Variants in TBXAS1 observed in about 807,000 individuals in gnomAD.
TBXAS1 encodes the protein thromboxane-A synthase.
In TBXAS1, 48 loss-of-function variants were observed where a neutral mutation model predicts 60.7. That is an observed-to-expected ratio of 0.79 (90% confidence interval 0.63 to 1.01). The LOEUF is 1.01. TBXAS1 is among the 50% of genes least tolerant of loss of function. TBXAS1 has a pLI of 0.00. For missense variants in TBXAS1, 685 were observed against 686.3 expected (o/e 1.00, Z 0.02); for synonymous variants, 287 against 269.7 (o/e 1.06, Z -0.63).
chr7:139,872,135 C>A, intron 1 of TBXAS1, 100 bp from the exon 2 acceptor site: 1 of 1,242,264 alleles, frequency 8.0e-7, no homozygotes, highest in Non-Finnish European at 1.2e-6. Flanking sequence ...TATTCTTTTG[C>A]CTTTACTTCC....
At chr7:139,891,179 G>T (rs1391851780) in intron 3 of TBXAS1, among the ~76,000 whole-genome samples, 2 of 151,742 alleles carry the variant, frequency 1.3e-5, no homozygotes, top group Non-Finnish European at 1.5e-5. Flanking sequence ...CCTTTTATGG[G>T]ACCTCTACGG....
chr7:139,869,709 A>C (rs1488676194), intron 1 of TBXAS1, among the ~76,000 whole-genome samples: 1 of 152,138 alleles, frequency 6.6e-6, no homozygotes, highest in African/African-American at 2.4e-5. Context: ...CATCTTAACT[A>C]ATTACATTTG....
At chr7:139,847,709 C>A (rs1303829644) in intron 1 of TBXAS1, among the ~76,000 whole-genome samples, 1 of 152,192 alleles carries the variant, frequency 6.6e-6, no homozygotes, top group African/African-American at 2.4e-5. Flanking sequence ...GTCTCTGTTC[C>A]ATTCTCTACT....
At chr7:139,842,353 C>G (rs915677579) in intron 1 of TBXAS1, among the ~76,000 whole-genome samples, 1 of 152,104 alleles carries the variant, frequency 6.6e-6, no homozygotes, top group Non-Finnish European at 1.5e-5. Flanking sequence ...GATGCCTTCC[C>G]GGGAAGGAAG....
chr7:140,008,611 C>A (rs1814281650), intron 10 of TBXAS1, among the ~76,000 whole-genome samples: 1 of 152,038 alleles, frequency 6.6e-6, no homozygotes, highest in African/African-American at 2.4e-5. Context: ...CTATGCCCGG[C>A]TAATTTTTTG....
chr7:139,999,239 G>A lies in TBXAS1; in HGVS notation c.1135-7852G>A, dbSNP rs117465009. Among the ~76,000 whole-genome samples the A allele has an allele frequency of 7.2e-3, 1,091 of 152,302 alleles. 11 individuals are homozygous for A. Among genetic ancestry groups the A allele is most frequent in the Non-Finnish European group, 0.012 (822 of 68,030 alleles). ...TCCCAACCTTGCCATAAGAACTCAG[G>A]GCTGGCCGGGCGCCATGGCTTACGC... is the stretch of plus-strand genomic sequence containing the variant. On this transcript the variant is annotated intron_variant, in intron 9 of 12. Transcript: ENST00000448866. This position sits in a 1 kb window ranked among gnomAD's most constrained non-coding sequence, Gnocchi z 4.3.
intron 4 of TBXAS1, among the ~76,000 whole-genome samples, chr7:139,799,292 C>T (rs967277652): frequency 7.3e-5 from 11 of 151,054 alleles, no homozygotes; most frequent in African/African-American, 2.7e-4. Context: ...TGTAGTGGCA[C>T]AATCTCGGCT....
intron 4 of TBXAS1, 139 bp downstream of exon 4, chr7:139,911,460 G>T: frequency 1.3e-6 from 1 of 785,122 alleles, no homozygotes. Flanking sequence ...GCTCCTCAGT[G>T]AACTCGGTTT....
chr7:139,982,699 AATTGAATTCATGG>A (rs1260219270), intron 9 of TBXAS1, among the ~76,000 whole-genome samples: 5 of 152,304 alleles, frequency 3.3e-5, no homozygotes, highest in South Asian at 2.1e-4. Context: ...TAACCCCCTA[AATTGAATTCATGG>A]ATTGAATTCA....
At chr7:139,961,412 C>T (rs924539913) in intron 8 of TBXAS1, among the ~76,000 whole-genome samples, 1 of 152,200 alleles carries the variant, frequency 6.6e-6, no homozygotes, top group African/African-American at 2.4e-5. Flanking sequence ...CACCAACCAA[C>T]AGTACAAAAA....
At chr7:139,893,331 C>CACACACAT in intron 3 of TBXAS1, among the ~76,000 whole-genome samples, 1 of 146,732 alleles carries the variant, frequency 6.8e-6, no homozygotes, top group Middle Eastern at 3.4e-3. Context: ...AATAGACACA[C>CACACACAT]ACACACACAC....
At chr7:139,941,753 A>T (rs927473237) in intron 5 of TBXAS1, among the ~76,000 whole-genome samples, 2 of 152,234 alleles carry the variant, frequency 1.3e-5, no homozygotes, top group Non-Finnish European at 2.9e-5. Context: ...TAGATTCTTT[A>T]CCAAAGACTA....
At chr7:139,910,918 A>G (rs922304243) in intron 3 of TBXAS1, among the ~76,000 whole-genome samples, 3 of 152,136 alleles carry the variant, frequency 2.0e-5, no homozygotes, top group African/African-American at 7.2e-5. Context: ...TTACATTTAC[A>G]TGTATAGCTC....
intron 3 of TBXAS1, among the ~76,000 whole-genome samples, chr7:139,906,358 C>T (rs1306448208): frequency 6.6e-6 from 1 of 152,104 alleles, no homozygotes; most frequent in Non-Finnish European, 1.5e-5. Context: ...GCCTGGCCTA[C>T]TCTAGCATCT....
At chr7:139,905,037 T>TCTCTCTCTC (rs1804922634) in intron 3 of TBXAS1, among the ~76,000 whole-genome samples, 2 of 87,742 alleles carry the variant, frequency 2.3e-5, no homozygotes, top group African/African-American at 1.2e-4. Context: ...CTTTCTTTCT[T>TCTCTCTCTC]TCTTTCTTTC....
At chr7:139,953,323 C>T (rs1284777982) in intron 5 of TBXAS1, 45 bp from the exon 6 acceptor site, 1 of 1,525,588 alleles carries the variant, frequency 6.6e-7, no homozygotes, top group African/African-American at 1.4e-5. Context: ...TTTAGGTGTA[C>T]TCCCGGCATG....
Position 139,805,712 on chromosome 7 carries a change from TTC to T in TBXAS1, c.-80+18304_-80+18305del, listed in dbSNP as rs1554466260. ...TTTCTTTCTTTCTTTCTTTCTTTCT[TTC>T]TCTCTCTCTCTCTCTCTTTCTTTCT... On this transcript the variant is annotated intron_variant, in intron 4 of 16. Transcript: ENST00000336425. Among the ~76,000 whole-genome samples, 25 of 44,350 alleles carry T rather than the reference TTC, an allele frequency of 5.6e-4. 1 individual carries two copies. Among genetic ancestry groups the T allele is most frequent in the Middle Eastern group, 0.011 (1 of 92 alleles). The allele number at this position is 44,350 out of a possible 152,430, so 29.1% of individuals were successfully genotyped here. A position where few individuals can be genotyped will look rare whatever the true frequency, so the allele number is the denominator to read the frequency against.
intron 9 of TBXAS1, among the ~76,000 whole-genome samples, chr7:139,987,268 C>CA (rs948373661): frequency 2.0e-5 from 3 of 152,170 alleles, no homozygotes; most frequent in African/African-American, 7.2e-5. Context: ...AATAGAAAAG[C>CA]AAGAGGAAGC....
chr7:139,899,618 A>G (rs778503610), intron 3 of TBXAS1, among the ~76,000 whole-genome samples: 2 of 152,242 alleles, frequency 1.3e-5, no homozygotes, highest in Non-Finnish European at 2.9e-5. Context: ...CTAAATGTAG[A>G]TGAATAACTG....
Sources: gnomAD v4.1 joint callset for allele counts (sites outside exome capture counted in the v4.1 genomes callset) on GRCh38, gnomAD v4.1.1 for gene constraint, Gnocchi (gnomAD v3.1) non-coding constraint, MANE v1.5 for transcripts, NCBI Gene and HGNC (gene_info 2026-07-23, HGNC 2026-07-21) for gene names.